The following PAK3 variants were observed in gnomAD, a reference collection of about 807,000 sequenced individuals.
The protein encoded by PAK3 is p21 (RAC1) activated kinase 3, also known as serine/threonine-protein kinase PAK 3.
PAK3 carries 4 observed loss-of-function variants against 41.0 expected under a neutral mutation model. The ratio of observed to expected loss-of-function variants is 0.10; its 90% CI spans 0.05 to 0.22. PAK3 has a LOEUF of 0.22. Among genes scored for constraint, PAK3 ranks in the 10% least tolerant of loss-of-function variants. PAK3 has a pLI of 1.00. For missense variants in PAK3, 205 were observed against 409.9 expected (o/e 0.50, Z 4.32); for synonymous variants, 146 against 139.6 (o/e 1.05, Z -0.32).
chrX:111,067,524 A>C (rs946683209), intron 1 of PAK3, among the ~76,000 whole-genome samples: 7 of 111,529 alleles, frequency 6.3e-5, no homozygotes, highest in Non-Finnish European at 1.1e-4. Flanking sequence ...ACCTCCTCAG[A>C]ATTTTCACAA....
chrX:110,948,075 G>A lies in PAK3; in HGVS notation c.-28+3447G>A, dbSNP rs187636559. ...TTCTGTCTTTCTGCTGAATTATTGG[G>A]CAGACTGCCTCATTTCTCTGCTCTG... On this transcript the variant is annotated intron_variant, in intron 1 of 14. Transcript: ENST00000425146. Among the ~76,000 whole-genome samples, 10 of 112,078 alleles carry A rather than the reference G, an allele frequency of 8.9e-5. No homozygotes were observed. In the East Asian group the frequency reaches 2.8e-3, roughly 31 times the overall value.
intron 4 of PAK3, among the ~76,000 whole-genome samples, chrX:111,116,867 T>G (rs2093473887): frequency 1.8e-5 from 2 of 112,449 alleles, no homozygotes; most frequent in African/African-American, 6.5e-5. Context: ...TAAAAAGAGC[T>G]AGTGCCTCTC....
Position 111,217,690 on chromosome X carries a change from C to T in PAK3, c.1545+1132C>T, listed in dbSNP as rs747172636. 21 of 685,221 alleles carry T rather than the reference C, an allele frequency of 3.1e-5. No homozygotes were observed. In the South Asian group the frequency reaches 1.5e-3, roughly 50 times the overall value. The allele number at this position is 685,221 out of a possible 1,213,427, so 56.5% of individuals were successfully genotyped here. On this transcript the variant is annotated intron_variant, in intron 17 of 17. Coordinates refer to ENST00000372007, the MANE Select transcript of PAK3 (RefSeq NM_002578.5). ...GCATTTCACAGGTTATCATAGGGCC[C>T]TAAAATGTCAAATCTGGAATGGCCC...
chrX:111,144,915 G>A (rs746737108), intron 6 of PAK3: 8 of 1,065,357 alleles, frequency 7.5e-6, no homozygotes, highest in Non-Finnish European at 1.0e-5. Flanking sequence ...CAATCAGAGG[G>A]AAAAATGGTA....
intron 6 of PAK3, among the ~76,000 whole-genome samples, chrX:111,143,963 TC>T (rs1259055693): frequency 1.8e-5 from 2 of 111,816 alleles, no homozygotes; most frequent in Middle Eastern, 4.7e-3. Context: ...CTAGTTGCTC[TC>T]CAATATTTTA....
chrX:111,197,104 G>A (rs908612744), intron 16 of PAK3, among the ~76,000 whole-genome samples: 3 of 110,237 alleles, frequency 2.7e-5, no homozygotes, highest in African/African-American at 9.9e-5. Flanking sequence ...GTAGGCCCCA[G>A]TGTCAATTGT....
chrX:111,140,787 C>G (rs1440828835), intron 5 of PAK3, among the ~76,000 whole-genome samples: 1 of 111,463 alleles, frequency 9.0e-6, no homozygotes, highest in Non-Finnish European at 1.9e-5. Flanking sequence ...TATTTCTGCC[C>G]CATATCTCTG....
chrX:110,995,603 A>G (rs2091726667), intron 1 of PAK3, among the ~76,000 whole-genome samples: 1 of 111,420 alleles, frequency 9.0e-6, no homozygotes, highest in Non-Finnish European at 1.9e-5. Context: ...CAGCAGCAAG[A>G]GCAATCTTTA....
intron 1 of PAK3, among the ~76,000 whole-genome samples, chrX:111,021,073 C>T (rs1398410950): frequency 9.0e-6 from 1 of 111,670 alleles, no homozygotes; most frequent in Non-Finnish European, 1.9e-5. Context: ...TCTCTACCTG[C>T]CCCCGGGAAG....
At chrX:111,082,943 G>A (rs185471118) in intron 1 of PAK3, among the ~76,000 whole-genome samples, 3 of 112,031 alleles carry the variant, frequency 2.7e-5, no homozygotes, top group Non-Finnish European at 3.8e-5. Flanking sequence ...ATAGATGTTC[G>A]AAAATAAAAG....
chrX:111,170,746 G>A (rs1042555690), intron 10 of PAK3, among the ~76,000 whole-genome samples: 1 of 110,998 alleles, frequency 9.0e-6, no homozygotes, highest in African/African-American at 3.3e-5. Context: ...AAGAATTCAT[G>A]GGTTAGATAG....
intron 6 of PAK3, among the ~76,000 whole-genome samples, chrX:111,143,762 AAATTTTGCCT>A (rs776969460): frequency 8.9e-6 from 1 of 111,878 alleles, no homozygotes; most frequent in East Asian, 2.8e-4. Context: ...AACTTTATAA[AAATTTTGCCT>A]AATAACTCTT....
chrX:111,047,180 C>A (rs182083919), intron 1 of PAK3, among the ~76,000 whole-genome samples: 23 of 112,113 alleles, frequency 2.1e-4, no homozygotes, highest in Admixed American at 1.9e-3. Context: ...CATCCCTCTA[C>A]AACATTTATT....
chrX:111,199,280 T>A (rs889878359), intron 16 of PAK3, among the ~76,000 whole-genome samples: 1 of 111,719 alleles, frequency 9.0e-6, no homozygotes, highest in South Asian at 3.7e-4. Context: ...AGAGAGATAG[T>A]TTGATTTCTT....
At chrX:110,948,683 C>A (rs979646635) in intron 1 of PAK3, among the ~76,000 whole-genome samples, 1 of 110,974 alleles carries the variant, frequency 9.0e-6, no homozygotes, top group African/African-American at 3.3e-5. Context: ...GACTGTTGCA[C>A]AAGGCATTCA....
chrX:111,184,397 T>A (rs926118683), intron 11 of PAK3, among the ~76,000 whole-genome samples: 2 of 109,259 alleles, frequency 1.8e-5, no homozygotes, highest in African/African-American at 3.4e-5. Flanking sequence ...TGCGTGACAC[T>A]GACTTTTTTT....
At chrX:111,016,752 G>A (rs4576595) in intron 1 of PAK3, among the ~76,000 whole-genome samples, 9 of 36,479 alleles carry the variant, frequency 2.5e-4, no homozygotes, top group African/African-American at 5.0e-4. Flanking sequence ...GGAAGGAAGG[G>A]AGAGAGGGAG....
intron 1 of PAK3, among the ~76,000 whole-genome samples, chrX:111,034,662 C>A (rs1366381538): frequency 9.0e-6 from 1 of 111,489 alleles, no homozygotes; most frequent in Non-Finnish European, 1.9e-5. Context: ...TGAAACTGAC[C>A]TTGACAGATG....
At chrX:111,162,140 A>C (rs902991736) in intron 8 of PAK3, among the ~76,000 whole-genome samples, 4 of 111,736 alleles carry the variant, frequency 3.6e-5, no homozygotes, top group Non-Finnish European at 7.5e-5. Flanking sequence ...TGATCTGGGA[A>C]CCACACTTTG....
Sources: gnomAD v4.1 joint callset for allele counts (sites outside exome capture counted in the v4.1 genomes callset) on GRCh38, gnomAD v4.1.1 for gene constraint, MANE v1.5 for transcripts, NCBI Gene and HGNC (gene_info 2026-07-23, HGNC 2026-07-21) for gene names.